MAGI2: variants seen among roughly 807,000 people sequenced by gnomAD.
MAGI2 encodes membrane associated guanylate kinase, WW and PDZ domain containing 2, also known as membrane-associated guanylate kinase, WW and PDZ domain-containing protein 2.
In MAGI2, 35 loss-of-function variants were observed where a neutral mutation model predicts 133.3. That is an observed-to-expected ratio of 0.26 (90% CI 0.20 to 0.35). The LOEUF (loss-of-function observed/expected upper bound fraction) is 0.35, where lower values mean the gene tolerates loss of function less well. Ranked by LOEUF, MAGI2 falls within the 10% of genes least tolerant of loss-of-function variation. The pLI, the probability that MAGI2 is intolerant of heterozygous loss-of-function variation, is 1.00. For missense variants in MAGI2, 1,636 were observed against 1,863.4 expected, an observed-to-expected ratio of 0.88 and a Z score of 2.25; for synonymous variants, 729 against 710.6, an observed-to-expected ratio of 1.03 and a Z score of -0.41.
At chr7:78,714,552 T>C (rs935997769) in intron 2 of MAGI2, among the ~76,000 whole-genome samples, 2 of 152,196 alleles carry the variant, frequency 1.3e-5, no homozygotes, top group Admixed American at 6.5e-5. Flanking sequence ...TAATGAGCAA[T>C]TCAAATTTAT....
At chr7:79,283,159 C>A (rs1420918235) in intron 1 of MAGI2, among the ~76,000 whole-genome samples, 1 of 152,042 alleles carries the variant, frequency 6.6e-6, no homozygotes, top group Non-Finnish European at 1.5e-5. Flanking sequence ...TATGTTCCCT[C>A]AGGGTTCAGA....
intron 1 of MAGI2, among the ~76,000 whole-genome samples, chr7:79,284,373 C>T (rs1034953973): frequency 6.6e-6 from 1 of 152,218 alleles, no homozygotes; most frequent in Non-Finnish European, 1.5e-5. Flanking sequence ...AGGGCATATC[C>T]TCTACCCTCT....
At chr7:78,907,100 G>A (rs1798050260) in intron 2 of MAGI2, among the ~76,000 whole-genome samples, 1 of 152,148 alleles carries the variant, frequency 6.6e-6, no homozygotes, top group South Asian at 2.1e-4. Flanking sequence ...TAGTGGGTGG[G>A]AGGAGGCTAC....
intron 2 of MAGI2, among the ~76,000 whole-genome samples, chr7:78,673,939 T>G (rs1814698015): frequency 6.6e-6 from 1 of 152,186 alleles, no homozygotes; most frequent in Non-Finnish European, 1.5e-5. Flanking sequence ...GCTCATCACT[T>G]TGCTCTTATT....
chr7:78,373,640 T>G (rs1794153840), intron 6 of MAGI2, among the ~76,000 whole-genome samples: 1 of 152,120 alleles, frequency 6.6e-6, no homozygotes, highest in Non-Finnish European at 1.5e-5. Flanking sequence ...TGTGCAGGTG[T>G]CTTATCTGGG....
At chr7:79,364,674 A>C (rs999377433) in intron 1 of MAGI2, among the ~76,000 whole-genome samples, 4 of 152,054 alleles carry the variant, frequency 2.6e-5, no homozygotes, top group African/African-American at 7.2e-5. Context: ...ACAATAGTGC[A>C]AAAGCAATTC....
chr7:78,632,922 T>C (rs1809174545), intron 2 of MAGI2, among the ~76,000 whole-genome samples: 1 of 152,202 alleles, frequency 6.6e-6, no homozygotes, highest in South Asian at 2.1e-4. Context: ...TAAATCATTC[T>C]ACTGTAAAGA....
chr7:78,441,654 G>GAAAA (rs5885063), intron 6 of MAGI2, among the ~76,000 whole-genome samples: 1 of 146,640 alleles, frequency 6.8e-6, no homozygotes, highest in Non-Finnish European at 1.5e-5. Context: ...TAATTTTAAG[G>GAAAA]AAAAAAAAAA....
chr7:79,383,361 C>T (rs971541314), intron 1 of MAGI2, among the ~76,000 whole-genome samples: 2 of 151,462 alleles, frequency 1.3e-5, no homozygotes, highest in African/African-American at 4.8e-5. Context: ...ATAGACATGG[C>T]TAGTAAAAAC....
intron 2 of MAGI2, among the ~76,000 whole-genome samples, chr7:78,852,352 A>G (rs1001288188): frequency 6.6e-6 from 1 of 151,982 alleles, no homozygotes; most frequent in African/African-American, 2.4e-5. Flanking sequence ...CAGTTTTCTC[A>G]TGATTTTTTT....
intron 6 of MAGI2, among the ~76,000 whole-genome samples, chr7:78,401,520 G>A (rs1796866679): frequency 6.6e-6 from 1 of 151,808 alleles, no homozygotes. Flanking sequence ...TTAGTGCTCT[G>A]TTCTTTTTAG....
intron 1 of MAGI2, among the ~76,000 whole-genome samples, chr7:79,058,294 C>T (rs111326537): frequency 3.3e-5 from 5 of 152,192 alleles, no homozygotes; most frequent in Admixed American, 1.3e-4. Flanking sequence ...AGTAGAGTTA[C>T]TTTAACCATG....
intron 3 of MAGI2, chr7:78,554,628 C>T (rs1220983407): frequency 6.6e-6 from 1 of 152,178 alleles, no homozygotes; most frequent in Non-Finnish European, 1.5e-5. Flanking sequence ...TTCTAACCTT[C>T]CCCTGAAGCA....
At position 78,946,339 on chromosome 7, in the gene MAGI2, A is replaced by G. The variant is rs190978030; in HGVS notation, c.418+60751T>C. Among the ~76,000 whole-genome samples the G allele has an allele frequency of 3.3e-5, 5 of 152,324 alleles. No homozygotes were observed. The East Asian group carries it at 9.6e-4, about 29-fold the overall frequency. On this transcript the variant is annotated intron_variant, in intron 2 of 21. Coordinates refer to ENST00000354212, the MANE Select transcript of MAGI2 (RefSeq NM_012301.4). ...CATCAACCAATGTAAGAATTTGCTT[A>G]TCACATACAAAAGAAAATTAGATTT... is the stretch of plus-strand genomic sequence containing the variant.
At chr7:79,321,017 GCTGTGAGTATATTTA>G (rs1839141886) in intron 1 of MAGI2, among the ~76,000 whole-genome samples, 1 of 152,088 alleles carries the variant, frequency 6.6e-6, no homozygotes, top group Admixed American at 6.6e-5. Flanking sequence ...ATTACCAACT[GCTGTGAGTATATTTA>G]CTGGGAGTCA....
intron 2 of MAGI2, among the ~76,000 whole-genome samples, chr7:78,651,016 A>T (rs887858536): frequency 6.6e-6 from 1 of 152,286 alleles, no homozygotes; most frequent in Admixed American, 6.5e-5. Context: ...GCAATCCTTG[A>T]CATGGTAACT....
At chr7:78,124,665 A>C (rs1470074588) in intron 20 of MAGI2, among the ~76,000 whole-genome samples, 1 of 151,994 alleles carries the variant, frequency 6.6e-6, no homozygotes, top group East Asian at 1.9e-4. Context: ...TAAATTCTAG[A>C]TTTTATTCAT....
chr7:78,440,366 A>G (rs1787494228), intron 6 of MAGI2, among the ~76,000 whole-genome samples: 1 of 152,192 alleles, frequency 6.6e-6, no homozygotes, highest in South Asian at 2.1e-4. Context: ...GCAATCTGAC[A>G]TACACCCACA....
intron 9 of MAGI2, among the ~76,000 whole-genome samples, chr7:78,325,006 A>T (rs973443457): frequency 6.6e-6 from 1 of 152,042 alleles, no homozygotes; most frequent in South Asian, 2.1e-4. Flanking sequence ...AAAACAATGA[A>T]TCAAAATCTG....
Sources: allele counts gnomAD v4.1 joint callset (sites outside exome capture counted in the v4.1 genomes callset), GRCh38; gene constraint gnomAD v4.1.1; transcripts MANE v1.5; gene names NCBI Gene and HGNC (gene_info 2026-07-23, HGNC 2026-07-21).